INPP5D: variants seen among roughly 807,000 people sequenced by gnomAD.
INPP5D encodes inositol polyphosphate-5-phosphatase D.
INPP5D carries 33 observed loss-of-function variants against 122.9 expected under a neutral mutation model. The ratio of observed to expected loss-of-function variants is 0.27; its 90% confidence interval spans 0.20 to 0.36. The LOEUF is 0.36. Among genes scored for constraint, INPP5D ranks in the 10% least tolerant of loss-of-function variants. INPP5D has a pLI of 1.00. For missense variants in INPP5D, 1,053 were observed against 1,412.7 expected (o/e 0.75, Z 4.08); for synonymous variants, 584 against 576.2 (o/e 1.01, Z -0.19).
rs1174752022 is a variant in INPP5D, at chr2:233,129,917, T to TGTGA, written c.525-590_525-589insTGAG. 3.6e-5 allele frequency among the ~76,000 whole-genome samples: 5 copies of TGTGA among 139,040 alleles called. No individual in the cohort carries two copies. In the East Asian group the frequency reaches 8.4e-4, roughly 23 times the overall value. 91.2% of individuals were successfully genotyped at this position (139,040 alleles called of 152,430 possible). On this transcript the variant is annotated intron_variant, in intron 4 of 26. Transcript: ENST00000445964. Reference sequence around the variant, plus strand: ...GTGTGTGTGTGTGTGTGTGTGTGTGTGAGAGACAGTGTCTCACTCTGTCAC... The same window carrying TGTGA: ...GTGTGTGTGTGTGTGTGTGTGTGTGTGTGAGAGAGACAGTGTCTCACTCTGTCAC...
intron 1 of INPP5D, among the ~76,000 whole-genome samples, chr2:233,062,022 G>A (rs561102692): frequency 6.6e-6 from 1 of 152,374 alleles, no homozygotes; most frequent in South Asian, 2.1e-4. Flanking sequence ...CATGCCTCAG[G>A]GGAAGGAACG....
rs1695154725 is a variant in INPP5D at position 233,195,419 on chromosome 2, G to T, written c.2617G>T (p.Asp873Tyr). Residue 873 changes from aspartate (D) to tyrosine (Y), a missense_variant, in exon 24 of 27, where the codon GAT becomes TAT. Asp to Tyr is a radical substitution (Grantham distance 160). Around this residue, in one of 6 missense-constraint regions of INPP5D, gnomAD observed 258 missense variants for 439.1 expected, o/e 0.59. Transcript: ENST00000445964. ...TCCAGACTTTGTGAAGACGGAGCGT[G>T]ATGAATCCAGTGGGCCAAAGACCCT... The part of the protein sequence containing the change: ...KLYDFVKTER[D>Y]ESSGPKTLKS... The T allele has an allele frequency of 6.2e-7, 1 of 1,607,234 alleles. No individual in the cohort carries two copies.
Position 233,170,216 on chromosome 2 carries a change from C to A in INPP5D, c.1791+52C>A. ...GCTGGGGCTGTATGAGATGGAGGCTCCCTTGAGTCAGCTTGGGGCAGGTGG... is the reference window on the plus strand; with the variant it reads ...GCTGGGGCTGTATGAGATGGAGGCTACCTTGAGTCAGCTTGGGGCAGGTGG... On this transcript the variant is annotated intron_variant, in intron 15 of 26. Transcript: ENST00000445964. The surrounding 1 kb of genome is among the most constrained non-coding windows in gnomAD (Gnocchi z 4.5). The A allele has an allele frequency of 6.3e-7, 1 of 1,590,210 alleles. No homozygotes were observed. Among genetic ancestry groups the A allele is most frequent in the African/African-American group, 1.3e-5 (1 of 74,440 alleles).
chr2:233,180,719 A>G (rs1033843843), intron 18 of INPP5D, among the ~76,000 whole-genome samples: 1 of 151,914 alleles, frequency 6.6e-6, no homozygotes, highest in African/African-American at 2.4e-5. Flanking sequence ...TTGTATTTTT[A>G]GTAGAGACGG....
At chr2:233,169,215 C>T in intron 13 of INPP5D, 90 bp from the exon 14 acceptor site, 2 of 1,530,170 alleles carry the variant, frequency 1.3e-6, no homozygotes, top group South Asian at 1.2e-5. Context: ...TCACTCACTG[C>T]CCCTCTCACC....
rs1305939873 is a variant in INPP5D at position 233,198,298 on chromosome 2, G to A, written c.2897G>A (p.Gly966Asp). The A allele has an allele frequency of 1.2e-6, 2 of 1,613,588 alleles. No homozygotes were observed. The highest frequency in any genetic ancestry group is 1.7e-5 in the Admixed American group (1 of 60,020). ...GGAGAAAGTCCTCCGACACCTCCCG[G>A]CCAGCCGCCCATATCACCCAAGAAG... Reference protein sequence around the residue: ...CRGESPPTPPGQPPISPKKFL... With the variant: ...CRGESPPTPPDQPPISPKKFL... The change falls in exon 25 of 27, where the codon GGC becomes GAC. Residue 966 changes from glycine (G) to aspartate (D), a missense_variant. By Grantham distance (94) the Gly-to-Asp change is moderately conservative. Around this residue, in one of 6 missense-constraint regions of INPP5D, gnomAD observed 417 missense variants for 425.8 expected, o/e 0.98. Coordinates refer to ENST00000445964, the MANE Select transcript of INPP5D (RefSeq NM_001017915.3).
At chr2:233,094,831 G>A (rs1261259717) in intron 2 of INPP5D, among the ~76,000 whole-genome samples, 1 of 152,204 alleles carries the variant, frequency 6.6e-6, no homozygotes, top group East Asian at 1.9e-4. Flanking sequence ...GGGAGGGAGT[G>A]CAAATGCCGA....
At chr2:233,117,851 G>A (rs1332558569) in intron 2 of INPP5D, among the ~76,000 whole-genome samples, 2 of 152,188 alleles carry the variant, frequency 1.3e-5, no homozygotes, top group Non-Finnish European at 2.9e-5. Context: ...GCTTGCCACT[G>A]TTTCTCTGCA....
In INPP5D at chr2:233,065,558, A is replaced by G. The variant is rs563953670; in HGVS notation, c.134+4946A>G. Among the ~76,000 whole-genome samples the G allele has an allele frequency of 1.9e-3, 260 of 133,708 alleles. 28 individuals are homozygous for G. Among genetic ancestry groups the G allele is most frequent in the African/African-American group, 6.7e-3 (236 of 35,386 alleles). The allele number at this position is 133,708 out of a possible 152,430, so 87.7% of individuals were successfully genotyped here. On this transcript the variant is annotated intron_variant, in intron 1 of 26. Coordinates refer to ENST00000445964, the MANE Select transcript of INPP5D (RefSeq NM_001017915.3). ...ATTACAGGCATGAACCACTGCACCC[A>G]GCCTTTTTCTTTCTTTCTTTCCTTC... is the stretch of plus-strand genomic sequence containing the variant.
chr2:233,077,484 A>AC (rs1483134229), intron 1 of INPP5D, among the ~76,000 whole-genome samples: 2 of 151,986 alleles, frequency 1.3e-5, no homozygotes, highest in African/African-American at 4.8e-5. Flanking sequence ...ATATGGAGAA[A>AC]CCCCATCTCT....
In INPP5D at chr2:233,197,549, C is replaced by T. The variant is rs565909847; in HGVS notation, c.2694-546C>T. Among the ~76,000 whole-genome samples the T allele has an allele frequency of 1.3e-5, 2 of 152,276 alleles. No homozygotes were observed. The highest frequency in any genetic ancestry group is 2.4e-5 in the African/African-American group (1 of 41,568). ...TGCACCTGCTCACCAGCCTTCGGACCGTCCAGGAACAGGCCAAACCCCTCT... is the reference window on the plus strand; with the variant it reads ...TGCACCTGCTCACCAGCCTTCGGACTGTCCAGGAACAGGCCAAACCCCTCT... On this transcript the variant is annotated intron_variant, in intron 24 of 26. Transcript: ENST00000445964. This position sits in a 1 kb window ranked among gnomAD's most constrained non-coding sequence, Gnocchi z 4.4.
chr2:233,206,751 G>T lies in INPP5D; in HGVS notation c.*43G>T, dbSNP rs11036. 1.3e-6 allele frequency: 1 copy of T among 757,740 alleles called. No homozygotes were observed. The highest frequency in any genetic ancestry group is 1.4e-5 in the South Asian group (1 of 70,864). The allele number at this position is 757,740 out of a possible 1,614,324, so 46.9% of individuals were successfully genotyped here. ...CACTGAGTCGGGAGCCCAGAGGAAC[G>T]GCGTGAAGCCACTGGACCCTCTCCC... On this transcript the variant is annotated 3_prime_UTR_variant, in exon 27 of 27. Coordinates refer to ENST00000445964, the MANE Select transcript of INPP5D (RefSeq NM_001017915.3). The surrounding 1 kb of genome is among the most constrained non-coding windows in gnomAD (Gnocchi z 4.0).
At position 233,197,712 on chromosome 2, in the gene INPP5D, G is replaced by C. The variant is rs1695220319; in HGVS notation, c.2694-383G>C. 6.6e-6 allele frequency among the ~76,000 whole-genome samples: 1 copy of C among 152,194 alleles called. No individual in the cohort carries two copies. Among genetic ancestry groups the C allele is most frequent in the African/African-American group, 2.4e-5 (1 of 41,454 alleles). On this transcript the variant is annotated intron_variant, in intron 24 of 26. Coordinates refer to ENST00000445964, the MANE Select transcript of INPP5D (RefSeq NM_001017915.3). The surrounding 1 kb of genome is among the most constrained non-coding windows in gnomAD (Gnocchi z 4.4). ...GCCTCCTGGGGTCACCCAATGCCCA[G>C]TTGGTCCCAACACTTCACTAGTCCC...
chr2:233,197,987 G>A lies in INPP5D; in HGVS notation c.2694-108G>A. On this transcript the variant is annotated intron_variant, in intron 24 of 26. Transcript: ENST00000445964. This position sits in a 1 kb window ranked among gnomAD's most constrained non-coding sequence, Gnocchi z 4.4. ...CTGCCCAAGAGGTGAAGGAGTTGAG[G>A]AGAGCTCGAGAGAGCCCTAGGGTTA... The A allele has an allele frequency of 1.4e-6, 2 of 1,401,166 alleles. No individual in the cohort carries two copies. Among genetic ancestry groups the A allele is most frequent in the South Asian group, 1.6e-5 (1 of 61,902 alleles). 86.8% of individuals were successfully genotyped at this position (1,401,166 alleles called of 1,614,324 possible). A position where few individuals can be genotyped will look rare whatever the true frequency, so the allele number is the denominator to read the frequency against.
chr2:233,094,522 A>C (rs1403790404), intron 2 of INPP5D, among the ~76,000 whole-genome samples: 46 of 149,482 alleles, frequency 3.1e-4, no homozygotes, highest in Non-Finnish European at 4.5e-4. Flanking sequence ...CAAAAAAAAA[A>C]AAAAAAAAAA....
chr2:233,161,967 AC>A (rs1484582207), intron 11 of INPP5D, 141 bp downstream of exon 11: 5 of 1,292,210 alleles, frequency 3.9e-6, no homozygotes, highest in Non-Finnish European at 5.1e-6. Context: ...GCCCCAGCCC[AC>A]CCGCACAACC....
chr2:233,087,119 T>A (rs1419303171), intron 2 of INPP5D, among the ~76,000 whole-genome samples: 1 of 152,154 alleles, frequency 6.6e-6, no homozygotes, highest in Non-Finnish European at 1.5e-5. Flanking sequence ...CCCTTCGAGA[T>A]CAGCTTCCGG....
chr2:233,130,937 A>T (rs547445032), intron 5 of INPP5D: 317 of 567,188 alleles, frequency 5.6e-4, no homozygotes, highest in Non-Finnish European at 9.2e-4. Flanking sequence ...GCCCTTTCTC[A>T]CTTGCACAGG....
At chr2:233,154,329 A>G (rs1169754419) in intron 9 of INPP5D, among the ~76,000 whole-genome samples, 3 of 152,094 alleles carry the variant, frequency 2.0e-5, no homozygotes, top group Non-Finnish European at 4.4e-5. Context: ...TTGTATTTTT[A>G]GTAGAAATGA....
Sources: gnomAD v4.1 joint callset for allele counts (sites outside exome capture counted in the v4.1 genomes callset) on GRCh38, gnomAD v4.1.1 for gene constraint, gnomAD v4.1.1 regional missense constraint, Gnocchi (gnomAD v3.1) non-coding constraint, MANE v1.5 for transcripts, NCBI Gene and HGNC (gene_info 2026-07-23, HGNC 2026-07-21) for gene names.